Variants in FRMD6 observed in about 807,000 individuals in gnomAD.
The protein encoded by FRMD6 is FERM domain-containing protein 6.
In FRMD6, 37 loss-of-function variants were observed where a neutral mutation model predicts 73.2. The observed-to-expected ratio is 0.51, with a 90% CI of 0.39 to 0.66. The LOEUF is 0.66. FRMD6 is among the 30% of genes least tolerant of loss of function. FRMD6 has a pLI of 0.00. For missense variants in FRMD6, 714 were observed against 780.5 expected, an observed-to-expected ratio of 0.91 and a Z score of 1.02; for synonymous variants, 273 against 282.2, an observed-to-expected ratio of 0.97 and a Z score of 0.33.
At chr14:51,680,467 G>C (rs908973082) in intron 1 of FRMD6, among the ~76,000 whole-genome samples, 6 of 152,160 alleles carry the variant, frequency 3.9e-5, no homozygotes, top group Non-Finnish European at 1.5e-5. Context: ...ACTCTTGAAA[G>C]AGTATAAACT....
chr14:51,647,812 TTTATTA>T (rs1245009384), upstream of FRMD6, among the ~76,000 whole-genome samples: 2 of 152,124 alleles, frequency 1.3e-5, no homozygotes, highest in East Asian at 1.9e-4. Context: ...ATAGCCCTGA[TTTATTA>T]TTATTATTAA....
At chr14:51,411,856 T>C in the FRMD6 span, among the ~76,000 whole-genome samples, 309 of 152,344 alleles carry the variant, frequency 2.0e-3, no homozygotes, top group Non-Finnish European at 3.4e-3. Flanking sequence ...TTTTGGAATA[T>C]GAGGTTTCCT....
intron 1 of FRMD6, among the ~76,000 whole-genome samples, chr14:51,539,856 G>A (rs537935291): frequency 1.7e-3 from 263 of 152,280 alleles, no homozygotes; most frequent in African/African-American, 5.9e-3. Context: ...AGTAGAGGAA[G>A]GTGGGGAGTT....
chr14:51,475,778 G>T, the FRMD6 span, among the ~76,000 whole-genome samples: 1 of 152,170 alleles, frequency 6.6e-6, no homozygotes, highest in Non-Finnish European at 1.5e-5. Flanking sequence ...TTGCCAAAGT[G>T]CTCATGAAAT....
At chr14:51,400,709 A>G in the FRMD6 span, among the ~76,000 whole-genome samples, 1 of 152,236 alleles carries the variant, frequency 6.6e-6, no homozygotes, top group South Asian at 2.1e-4. Flanking sequence ...ATGGAACTCA[A>G]CTACTGGGAA....
chr14:51,704,607 G>A (rs989585610), intron 5 of FRMD6, 142 bp from the exon 6 acceptor site: 26 of 658,580 alleles, frequency 3.9e-5, no homozygotes, highest in Admixed American at 8.8e-5. Flanking sequence ...AGCTACAACC[G>A]CTTCCTTTTC....
At chr14:51,571,034 G>T (rs369709506) in intron 2 of FRMD6, among the ~76,000 whole-genome samples, 1 of 152,174 alleles carries the variant, frequency 6.6e-6, no homozygotes, top group East Asian at 1.9e-4. Flanking sequence ...ATCTATAAAT[G>T]GGTGTCCAGC....
At chr14:51,513,114 C>A (rs1884411680) in intron 1 of FRMD6, among the ~76,000 whole-genome samples, 1 of 152,156 alleles carries the variant, frequency 6.6e-6, no homozygotes, top group Non-Finnish European at 1.5e-5. Flanking sequence ...CCCAGAGTGC[C>A]CCACCCTCAG....
chr14:51,494,390 C>G (rs1883179193), intron 1 of FRMD6, among the ~76,000 whole-genome samples: 2 of 152,010 alleles, frequency 1.3e-5, no homozygotes, highest in African/African-American at 4.8e-5. Context: ...ATTCCCAATC[C>G]AAAAAGGAAA....
At chr14:51,555,264 AAAT>A (rs1439209495) in intron 1 of FRMD6, among the ~76,000 whole-genome samples, 1 of 152,226 alleles carries the variant, frequency 6.6e-6, no homozygotes, top group Non-Finnish European at 1.5e-5. Flanking sequence ...ATGTCTGTCT[AAAT>A]AATGTGATAA....
chr14:51,507,610 G>A (rs1884046673), intron 1 of FRMD6, among the ~76,000 whole-genome samples: 1 of 152,160 alleles, frequency 6.6e-6, no homozygotes, highest in African/African-American at 2.4e-5. Flanking sequence ...TGGGGAAGCT[G>A]GCAGTAGCTT....
At chr14:51,550,411 T>C (rs1050161959) in intron 1 of FRMD6, among the ~76,000 whole-genome samples, 7 of 152,134 alleles carry the variant, frequency 4.6e-5, no homozygotes, top group African/African-American at 1.4e-4. Context: ...CAATGAATTG[T>C]TGGAAATTAG....
rs549249254 is a variant in FRMD6 at position 51,499,908 on chromosome 14, T to C, written c.-210+10488T>C. Among the ~76,000 whole-genome samples the C allele has an allele frequency of 5.3e-5, 8 of 152,310 alleles. No homozygotes were observed. In the South Asian group the frequency reaches 1.4e-3, roughly 28 times the overall value. Reference sequence around the variant, plus strand: ...TGAGCTTGTTAAATTGAAAATATTCTCATGAGTTATGGAAATAATGGCTTG... The same window carrying C: ...TGAGCTTGTTAAATTGAAAATATTCCCATGAGTTATGGAAATAATGGCTTG... On this transcript the variant is annotated intron_variant, in intron 1 of 14. Transcript: ENST00000356218.
Position 51,698,213 on chromosome 14 carries a change from T to A in FRMD6, c.171T>A (p.Phe57Leu). 3 of 1,612,088 alleles carry A rather than the reference T, an allele frequency of 1.9e-6. No individual in the cohort carries two copies. The highest frequency in any genetic ancestry group is 2.5e-6 in the Non-Finnish European group (3 of 1,178,624). Residue 57 changes from phenylalanine (F) to leucine (L), a missense_variant, in exon 3 of 14, where the codon TTT becomes TTA. Coordinates refer to ENST00000344768, the MANE Select transcript of FRMD6 (RefSeq NM_001267046.2). ...TCAGGCTAAAGGACTGCCACCTCTT[T>A]GGACTCAGTGTTATACAAAGTAAGT... ...DLLRLKDCHL[F>L]GLSVIQNNEH... is the part of the protein sequence containing the mutation.
rs565084344 is a variant in FRMD6, at chr14:51,689,559, T to A, written c.-146-132T>A. The stretch of plus-strand genomic sequence containing the variant: ...TTTCAGTGAGTTCCCATGTATTAAA[T>A]AAGGTGGTGCTGGCTGGAGATATGC... On this transcript the variant is annotated intron_variant, in intron 1 of 13. Coordinates refer to ENST00000344768, the MANE Select transcript of FRMD6 (RefSeq NM_001267046.2). 7.2e-5 allele frequency: 29 copies of A among 402,776 alleles called. 1 individual carries two copies. The South Asian group carries it at 1.2e-3, about 17-fold the overall frequency. The allele number at this position is 402,776 out of a possible 1,614,324, so 25.0% of individuals were successfully genotyped here.
chr14:51,646,500 T>C (rs1157735600), intron 2 of FRMD6, among the ~76,000 whole-genome samples: 2 of 151,850 alleles, frequency 1.3e-5, no homozygotes, highest in Non-Finnish European at 2.9e-5. Flanking sequence ...CTGCTTCCTT[T>C]CTTCTTGCGT....
At chr14:51,595,790 C>T (rs1162297455) in intron 2 of FRMD6, among the ~76,000 whole-genome samples, 2 of 152,182 alleles carry the variant, frequency 1.3e-5, no homozygotes, top group East Asian at 3.8e-4. Flanking sequence ...GTTTGCCTTC[C>T]TTAGAGTCTC....
At chr14:51,412,362 TA>T in the FRMD6 span, among the ~76,000 whole-genome samples, 5 of 152,222 alleles carry the variant, frequency 3.3e-5, no homozygotes, top group African/African-American at 9.6e-5. Context: ...TTAGAAGATT[TA>T]TTTGCCACAA....
chr14:51,514,517 T>C lies in FRMD6; in HGVS notation c.-210+25097T>C, dbSNP rs148792932. ...ATCCCAGAACTTAAAGTAAAATAAA[T>C]AAATAAAAAAAGATAAAATGTGAGT... On this transcript the variant is annotated intron_variant, in intron 1 of 14. Transcript: ENST00000356218. Among the ~76,000 whole-genome samples, 230 of 151,960 alleles carry C rather than the reference T, an allele frequency of 1.5e-3. 3 individuals carry two copies. Among genetic ancestry groups the C allele is most frequent in the African/African-American group, 5.3e-3 (219 of 41,450 alleles).
Sources: allele counts gnomAD v4.1 joint callset (sites outside exome capture counted in the v4.1 genomes callset), GRCh38; gene constraint gnomAD v4.1.1; transcripts MANE v1.5; gene names NCBI Gene and HGNC (gene_info 2026-07-23, HGNC 2026-07-21).